Variants in KIAA0825 observed in about 807,000 individuals in gnomAD.
KIAA0825 encodes the protein KIAA0825.
KIAA0825 carries 119 observed loss-of-function variants against 147.6 expected under a neutral mutation model. That is an observed-to-expected ratio of 0.81 (90% CI 0.69 to 0.94). The LOEUF (loss-of-function observed/expected upper bound fraction) is 0.94, where lower values mean the gene tolerates loss of function less well. Among genes scored for constraint, KIAA0825 ranks in the 40% least tolerant of loss-of-function variants. KIAA0825 has a pLI of 0.00. For synonymous variants in KIAA0825, 470 were observed against 518.1 expected (o/e 0.91, Z 1.26); for missense variants, 1,381 against 1,472.7 (o/e 0.94, Z 1.02).
At chr5:94,545,270 G>A (rs1054981944) in intron 2 of KIAA0825, among the ~76,000 whole-genome samples, 1 of 152,142 alleles carries the variant, frequency 6.6e-6, no homozygotes, top group African/African-American at 2.4e-5. Context: ...AAACTTGAAA[G>A]GGAGTCTAGG....
At chr5:94,282,557 A>G (rs1463900527) in intron 20 of KIAA0825, among the ~76,000 whole-genome samples, 1 of 152,154 alleles carries the variant, frequency 6.6e-6, no homozygotes, top group Non-Finnish European at 1.5e-5. Context: ...TGTCAGAAGA[A>G]AAAGAATGAT....
chr5:94,558,296 C>G (rs985993235), intron 2 of KIAA0825, among the ~76,000 whole-genome samples: 1 of 152,146 alleles, frequency 6.6e-6, no homozygotes, highest in African/African-American at 2.4e-5. Context: ...CCTGGTAACA[C>G]TTAGATGTAT....
chr5:94,412,503 T>G (rs1752897079), intron 15 of KIAA0825, among the ~76,000 whole-genome samples: 1 of 152,004 alleles, frequency 6.6e-6, no homozygotes, highest in Non-Finnish European at 1.5e-5. Flanking sequence ...TGGGTTCAAG[T>G]GCTTCTCATG....
intron 20 of KIAA0825, among the ~76,000 whole-genome samples, chr5:94,201,590 T>G (rs922475343): frequency 2.0e-5 from 3 of 149,386 alleles, no homozygotes; most frequent in East Asian, 1.9e-4. Flanking sequence ...AAAAAGGTTG[T>G]TTTTTTTTGT....
At position 94,384,376 on chromosome 5, in the gene KIAA0825, G is replaced by C; in HGVS notation, c.3702C>G (p.Leu1234=). The C allele has an allele frequency of 1.3e-6, 2 of 1,551,708 alleles. No individual in the cohort carries two copies. Among genetic ancestry groups the C allele is most frequent in the Non-Finnish European group, 1.7e-6 (2 of 1,146,870 alleles). The change falls in exon 20 of 21, where the codon CTC becomes CTG. Residue 1234 remains leucine (L), a synonymous_variant. Coordinates refer to ENST00000682413, the MANE Select transcript of KIAA0825 (RefSeq NM_001145678.3). ...GTCCCCAATTTTATTACCTGTTTTTGAGCAGCACACTGAAGGTCATCTTAT... is the reference window on the plus strand; with the variant it reads ...GTCCCCAATTTTATTACCTGTTTTTCAGCAGCACACTGAAGGTCATCTTAT... ...RLDKMTFSVL[L]KNRWEMKKDE...
intron 20 of KIAA0825, among the ~76,000 whole-genome samples, chr5:94,317,573 C>T (rs2150230543): frequency 6.6e-6 from 1 of 151,910 alleles, no homozygotes; most frequent in East Asian, 1.9e-4. Flanking sequence ...AAATATAAGG[C>T]AGCACAGGGC....
chr5:94,439,840 T>G (rs1453033906), intron 14 of KIAA0825, 142 bp downstream of exon 14: 1 of 808,976 alleles, frequency 1.2e-6, no homozygotes, highest in African/African-American at 1.8e-5. Flanking sequence ...TTAATGCTTT[T>G]GACTGCTGCT....
chr5:94,250,616 C>T (rs1289604481), intron 20 of KIAA0825, among the ~76,000 whole-genome samples: 2 of 152,108 alleles, frequency 1.3e-5, no homozygotes, highest in East Asian at 1.9e-4. Context: ...CTGCAACATA[C>T]TAATTTAATT....
At position 94,305,760 on chromosome 5, in the gene KIAA0825, A is replaced by G. The variant is rs780875477; in HGVS notation, c.3710+78608T>C. Among the ~76,000 whole-genome samples the G allele has an allele frequency of 3.7e-4, 57 of 152,102 alleles. No individual in the cohort carries two copies. The Middle Eastern group carries it at 0.01, about 27-fold the overall frequency. On this transcript the variant is annotated intron_variant, in intron 20 of 20. Coordinates refer to ENST00000682413, the MANE Select transcript of KIAA0825 (RefSeq NM_001145678.3). ...CCAAACTCAATTAAAATTTGTTTTC[A>G]TGACTATCATCAGAGACTCAGTAAC...
At chr5:94,487,715 T>A (rs755353667) in intron 5 of KIAA0825, among the ~76,000 whole-genome samples, 3 of 152,046 alleles carry the variant, frequency 2.0e-5, no homozygotes, top group Non-Finnish European at 2.9e-5. Context: ...CTAAGTTACC[T>A]CTCCAGAAAA....
At chr5:94,175,900 T>G (rs1245531571) in intron 20 of KIAA0825, among the ~76,000 whole-genome samples, 1 of 152,214 alleles carries the variant, frequency 6.6e-6, no homozygotes, top group African/African-American at 2.4e-5. Flanking sequence ...GCAGCAAGTC[T>G]AATTCATTTA....
intron 2 of KIAA0825, among the ~76,000 whole-genome samples, chr5:94,538,458 A>G (rs1420512500): frequency 2.0e-5 from 3 of 152,238 alleles, no homozygotes; most frequent in Admixed American, 1.3e-4. Flanking sequence ...AGAGCTAGTC[A>G]CATGACCCTA....
chr5:94,372,544 C>T (rs544853030), intron 20 of KIAA0825, among the ~76,000 whole-genome samples: 1 of 152,350 alleles, frequency 6.6e-6, no homozygotes, highest in Admixed American at 6.5e-5. Flanking sequence ...CTGAGCTGTA[C>T]CTTGGCCCCT....
intron 5 of KIAA0825, among the ~76,000 whole-genome samples, chr5:94,498,717 T>G (rs1374809881): frequency 6.6e-6 from 1 of 152,238 alleles, no homozygotes; most frequent in African/African-American, 2.4e-5. Context: ...ATAGCTCCTA[T>G]GCGCCAGTCA....
At chr5:94,448,933 T>C (rs1758058337) in intron 13 of KIAA0825, among the ~76,000 whole-genome samples, 1 of 152,186 alleles carries the variant, frequency 6.6e-6, no homozygotes, top group African/African-American at 2.4e-5. Flanking sequence ...TGTACGGTGC[T>C]CTGAGCACAC....
intron 20 of KIAA0825, among the ~76,000 whole-genome samples, chr5:94,358,090 T>C (rs1398949463): frequency 2.0e-5 from 3 of 152,218 alleles, no homozygotes; most frequent in Non-Finnish European, 4.4e-5. Context: ...CATTTAGTTT[T>C]TATTATCTAT....
intron 16 of KIAA0825, among the ~76,000 whole-genome samples, chr5:94,401,606 C>A (rs1259941211): frequency 6.6e-6 from 1 of 152,118 alleles, no homozygotes; most frequent in African/African-American, 2.4e-5. Context: ...ATACTGTCCT[C>A]AACACACACT....
intron 13 of KIAA0825, 70 bp from the exon 14 acceptor site, chr5:94,440,191 CA>C: frequency 7.1e-7 from 1 of 1,400,226 alleles, no homozygotes; most frequent in Non-Finnish European, 9.8e-7. Flanking sequence ...CCTTAAAGTA[CA>C]GATGTAATGC....
intron 15 of KIAA0825, among the ~76,000 whole-genome samples, chr5:94,412,330 A>C (rs1177792784): frequency 3.3e-5 from 5 of 152,220 alleles, no homozygotes; most frequent in African/African-American, 1.2e-4. Context: ...ATATGGAGCA[A>C]ACAAAATTTT....
Sources: gnomAD v4.1 joint callset for allele counts (sites outside exome capture counted in the v4.1 genomes callset) on GRCh38, gnomAD v4.1.1 for gene constraint, MANE v1.5 for transcripts, NCBI Gene and HGNC (gene_info 2026-07-23, HGNC 2026-07-21) for gene names.